The following ZNF85 variants were observed in gnomAD, a reference collection of about 807,000 sequenced individuals.
ZNF85 encodes the protein zinc finger protein 85, also known as zinc finger protein 85 (HPF4, HTF1).
ZNF85 carries 50 observed loss-of-function variants against 53.9 expected under a neutral mutation model. The observed-to-expected ratio is 0.93, with a 90% CI of 0.74 to 1.17. ZNF85 has a LOEUF of 1.17. Among genes scored for constraint, ZNF85 ranks in the 50% most tolerant of loss-of-function variants. ZNF85 has a pLI of 0.00. For synonymous variants in ZNF85, 225 were observed against 226.1 expected (o/e 1.00, Z 0.04); for missense variants, 747 against 688.5 (o/e 1.08, Z -0.95).
chr19:20,947,051 A>G (rs558942582), intron 3 of ZNF85, among the ~76,000 whole-genome samples: 2 of 151,550 alleles, frequency 1.3e-5, no homozygotes, highest in East Asian at 3.9e-4. Flanking sequence ...TTATTTTTGT[A>G]CTAATATGCT....
intron 2 of ZNF85, among the ~76,000 whole-genome samples, chr19:20,934,661 C>T (rs930440206): frequency 6.6e-6 from 1 of 151,372 alleles, no homozygotes; most frequent in African/African-American, 2.4e-5. Context: ...CCTGTAGTCC[C>T]AGCTACTAAG....
intron 3 of ZNF85, among the ~76,000 whole-genome samples, chr19:20,946,974 T>C (rs1044958058): frequency 5.3e-5 from 8 of 151,918 alleles, no homozygotes; most frequent in Admixed American, 3.9e-4. Flanking sequence ...CAAATGTTAT[T>C]TTATTGTTTT....
At position 20,933,393 on chromosome 19, in the gene ZNF85, C is replaced by G. The variant is rs535944169; in HGVS notation, c.4-631C>G. ...CTTAGTTTTTTTTTTTTGCATACATCTGTCTTTGGAAAGTCAAAGCTCTTA... is the reference window on the plus strand; with the variant it reads ...CTTAGTTTTTTTTTTTTGCATACATGTGTCTTTGGAAAGTCAAAGCTCTTA... On this transcript the variant is annotated intron_variant, in intron 1 of 3. Coordinates refer to ENST00000328178, the MANE Select transcript of ZNF85 (RefSeq NM_003429.5). Among the ~76,000 whole-genome samples, 133 of 150,358 alleles carry G rather than the reference C, an allele frequency of 8.8e-4. 1 individual carries two copies. The highest frequency in any genetic ancestry group is 3.1e-3 in the African/African-American group (128 of 40,968).
chr19:20,938,924 G>T (rs1424338972), intron 3 of ZNF85, among the ~76,000 whole-genome samples: 26 of 150,944 alleles, frequency 1.7e-4, no homozygotes, highest in Admixed American at 1.7e-3. Flanking sequence ...GCAGTTTAAG[G>T]CTATTTGCTT....
At chr19:20,929,479 C>T (rs1972957823) in intron 1 of ZNF85, among the ~76,000 whole-genome samples, 1 of 152,048 alleles carries the variant, frequency 6.6e-6, no homozygotes, top group Non-Finnish European at 1.5e-5. Context: ...CCACTGCACC[C>T]AGCCTATTTC....
intron 1 of ZNF85, among the ~76,000 whole-genome samples, chr19:20,923,948 C>G (rs1972820884): frequency 6.6e-6 from 1 of 151,882 alleles, no homozygotes; most frequent in African/African-American, 2.4e-5. Flanking sequence ...AGCCGGGCGT[C>G]GTGGCGCGCG....
chr19:20,927,530 G>A (rs1391656752), intron 1 of ZNF85: 4 of 152,174 alleles, frequency 2.6e-5, no homozygotes, highest in Admixed American at 1.3e-4. Flanking sequence ...AAGAAAATGT[G>A]TACAGTATGT....
chr19:20,925,897 G>A (rs1972869994), intron 1 of ZNF85, among the ~76,000 whole-genome samples: 1 of 152,142 alleles, frequency 6.6e-6, no homozygotes, highest in Non-Finnish European at 1.5e-5. Context: ...AAGTTTAAAA[G>A]GCACAAAAAT....
At chr19:20,925,475 T>G (rs879426205) in intron 1 of ZNF85, among the ~76,000 whole-genome samples, 1 of 148,732 alleles carries the variant, frequency 6.7e-6, no homozygotes. Context: ...AAAAAAAGAT[T>G]GACTTCACCC....
rs141124137 is a variant in ZNF85, at chr19:20,937,244, C to T, written c.229+2197C>T. On this transcript the variant is annotated intron_variant, in intron 3 of 3. Coordinates refer to ENST00000328178, the MANE Select transcript of ZNF85 (RefSeq NM_003429.5). ...ACGAAGTTTCACCATATTGGCCAGGCGAGTCTCAAACTCCTGACCTCGTGA... is the reference window on the plus strand; with the variant it reads ...ACGAAGTTTCACCATATTGGCCAGGTGAGTCTCAAACTCCTGACCTCGTGA... 8.0e-3 allele frequency: 3,539 copies of T among 439,840 alleles called. 65 individuals carry two copies. Among genetic ancestry groups the T allele is most frequent in the African/African-American group, 0.033 (1,608 of 49,368 alleles). 27.2% of individuals were successfully genotyped at this position (439,840 alleles called of 1,614,324 possible). A position where few individuals can be genotyped will look rare whatever the true frequency, so the allele number is the denominator to read the frequency against.
chr19:20,936,750 AT>A (rs528378068), intron 3 of ZNF85: 365 of 154,012 alleles, frequency 2.4e-3, no homozygotes, highest in Non-Finnish European at 4.0e-3. Context: ...CAGGGCAAAT[AT>A]TTAGGCTAAA....
At chr19:20,945,941 A>G (rs1321516444) in intron 3 of ZNF85, among the ~76,000 whole-genome samples, 1 of 152,070 alleles carries the variant, frequency 6.6e-6, no homozygotes, top group East Asian at 1.9e-4. Context: ...TATGTACTGC[A>G]TTCTCTTATT....
intron 3 of ZNF85, among the ~76,000 whole-genome samples, chr19:20,944,616 CTG>C (rs1308515505): frequency 1.3e-5 from 2 of 150,248 alleles, no homozygotes; most frequent in Non-Finnish European, 1.5e-5. Flanking sequence ...CAAGTAACCT[CTG>C]TATTACTTTT....
rs1027500846 is a variant in ZNF85, at chr19:20,950,518, A to G, written c.*216A>G. ...CTTTAGGTAAGATAATTCATATTGG[A>G]ACAAACTACAAGTGCAAACAATGTG... is the stretch of plus-strand genomic sequence containing the variant. On this transcript the variant is annotated 3_prime_UTR_variant, in exon 4 of 4. Transcript: ENST00000328178. The G allele has an allele frequency of 7.1e-6, 3 of 420,864 alleles. No individual in the cohort carries two copies. The highest frequency in any genetic ancestry group is 4.0e-5 in the Admixed American group (1 of 25,292). 26.1% of individuals were successfully genotyped at this position (420,864 alleles called of 1,614,324 possible).
Position 20,949,784 on chromosome 19 carries a change from A to G in ZNF85, c.1270A>G (p.Lys424Glu). The G allele has an allele frequency of 6.2e-7, 1 of 1,611,846 alleles. No homozygotes were observed. The highest frequency in any genetic ancestry group is 8.5e-7 in the Non-Finnish European group (1 of 1,178,980). ...TKHKIIHTGE[K>E]PYKCKECEKA... ...ACATAAGATAATTCATACTGGAGAG[A>G]AGCCTTACAAATGTAAAGAATGTGA... The change falls in exon 4 of 4, where the codon AAG becomes GAG. Residue 424 changes from lysine to glutamate, a missense_variant. Physicochemically the swap from Lys to Glu is moderately conservative, Grantham distance 56. Coordinates refer to ENST00000328178, the MANE Select transcript of ZNF85 (RefSeq NM_003429.5).
chr19:20,926,676 G>T (rs1381545161), intron 1 of ZNF85: 1 of 152,158 alleles, frequency 6.6e-6, no homozygotes, highest in Non-Finnish European at 1.5e-5. Context: ...CATGGAAGAA[G>T]TCTTTCCATC....
At chr19:20,925,699 G>A (rs548917983) in intron 1 of ZNF85, among the ~76,000 whole-genome samples, 1 of 152,242 alleles carries the variant, frequency 6.6e-6, no homozygotes, top group African/African-American at 2.4e-5. Context: ...GTTGGTCATT[G>A]AGAACTTTAG....
At chr19:20,943,846 C>G (rs1973360445) in intron 3 of ZNF85, 1 of 152,146 alleles carries the variant, frequency 6.6e-6, no homozygotes. Flanking sequence ...ATCCATTTTA[C>G]TATTGTATAA....
rs1328462350 is a variant in ZNF85 at position 20,948,826 on chromosome 19, T to C, written c.312T>C (p.Tyr104=). The change falls in exon 4 of 4, where the codon TAT becomes TAC. Residue 104 remains tyrosine, a synonymous_variant. Coordinates refer to ENST00000328178, the MANE Select transcript of ZNF85 (RefSeq NM_003429.5). The stretch of plus-strand genomic sequence containing the variant: ...TCCAAAAAGTGACACTGAAAAGATA[T>C]GGAAAATGTAGACATGAAAATTTAC... ...DSFQKVTLKR[Y]GKCRHENLPL... 3.7e-6 allele frequency: 6 copies of C among 1,612,246 alleles called. No homozygotes were observed. Among genetic ancestry groups the C allele is most frequent in the Middle Eastern group, 1.6e-4 (1 of 6,072 alleles).
Sources: gnomAD v4.1 joint callset for allele counts (sites outside exome capture counted in the v4.1 genomes callset) on GRCh38, gnomAD v4.1.1 for gene constraint, MANE v1.5 for transcripts, NCBI Gene and HGNC (gene_info 2026-07-23, HGNC 2026-07-21) for gene names.